Variants in ANKS1B observed in about 807,000 individuals in gnomAD.
ANKS1B encodes the protein ankyrin repeat and sterile alpha motif domain containing 1B.
In ANKS1B, 36 loss-of-function variants were observed where a neutral mutation model predicts 148.3. The observed-to-expected ratio is 0.24, with a 90% CI of 0.19 to 0.32. ANKS1B has a LOEUF of 0.32. Ranked by LOEUF, ANKS1B falls within the 10% of genes least tolerant of loss-of-function variation. ANKS1B has a pLI of 1.00. For missense variants in ANKS1B, 1,157 were observed against 1,542.6 expected (o/e 0.75, Z 4.19); for synonymous variants, 542 against 560.8 (o/e 0.97, Z 0.47).
chr12:99,959,735 A>T (rs1306466384), intron 1 of ANKS1B, among the ~76,000 whole-genome samples: 1 of 152,216 alleles, frequency 6.6e-6, no homozygotes, highest in Non-Finnish European at 1.5e-5. Context: ...CTGAGTAAAC[A>T]TTAGTCATAG....
intron 12 of ANKS1B, among the ~76,000 whole-genome samples, chr12:99,327,025 T>C (rs1037875615): frequency 1.0e-4 from 14 of 133,936 alleles, no homozygotes; most frequent in African/African-American, 3.9e-4. Context: ...TATATTATAA[T>C]AAATATTATA....
intron 14 of ANKS1B, among the ~76,000 whole-genome samples, chr12:99,223,383 C>A (rs973112700): frequency 1.2e-4 from 19 of 152,066 alleles, no homozygotes; most frequent in African/African-American, 3.1e-4. Flanking sequence ...TACATTGTAA[C>A]ATATAATGAA....
intron 1 of ANKS1B, among the ~76,000 whole-genome samples, chr12:99,877,176 T>G (rs949793811): frequency 1.3e-5 from 2 of 152,138 alleles, no homozygotes; most frequent in African/African-American, 4.8e-5. Context: ...AAGTAAATAT[T>G]GCTTGCTGAT....
chr12:99,640,415 T>C (rs1187579741), intron 9 of ANKS1B, among the ~76,000 whole-genome samples: 1 of 152,094 alleles, frequency 6.6e-6, no homozygotes, highest in Non-Finnish European at 1.5e-5. Flanking sequence ...GGTGAGACTA[T>C]TAAAAGATAA....
intron 17 of ANKS1B, among the ~76,000 whole-genome samples, chr12:98,941,636 T>C (rs991375180): frequency 3.3e-5 from 5 of 152,230 alleles, no homozygotes; most frequent in African/African-American, 9.6e-5. Flanking sequence ...ATTGACTGTA[T>C]GTCCTTAAAA....
At chr12:98,840,873 C>A (rs1329006034) in intron 17 of ANKS1B, among the ~76,000 whole-genome samples, 1 of 152,090 alleles carries the variant, frequency 6.6e-6, no homozygotes, top group East Asian at 1.9e-4. Context: ...TTACATTGCT[C>A]AATAACCCAA....
intron 14 of ANKS1B, among the ~76,000 whole-genome samples, chr12:99,227,521 G>A (rs1237274533): frequency 6.6e-6 from 1 of 152,238 alleles, no homozygotes; most frequent in Non-Finnish European, 1.5e-5. Context: ...CAAGCCAAAA[G>A]TCAGGAGCCT....
intron 17 of ANKS1B, among the ~76,000 whole-genome samples, chr12:98,884,822 A>G (rs899302526): frequency 4.0e-5 from 6 of 151,486 alleles, no homozygotes; most frequent in African/African-American, 1.5e-4. Flanking sequence ...AAAAAAAAAA[A>G]AAAGAAACTA....
chr12:98,860,568 G>A (rs1567246613), intron 17 of ANKS1B, among the ~76,000 whole-genome samples: 1 of 152,180 alleles, frequency 6.6e-6, no homozygotes, highest in Non-Finnish European at 1.5e-5. Flanking sequence ...CATTAATGGT[G>A]GATTGAAAAA....
At chr12:99,934,844 G>A (rs963898653) in intron 1 of ANKS1B, among the ~76,000 whole-genome samples, 14 of 152,156 alleles carry the variant, frequency 9.2e-5, no homozygotes, top group Non-Finnish European at 2.1e-4. Context: ...GTATATAAAG[G>A]AGGGAGGAGA....
chr12:99,691,491 C>G (rs1433793428), intron 8 of ANKS1B, among the ~76,000 whole-genome samples: 1 of 152,280 alleles, frequency 6.6e-6, no homozygotes, highest in African/African-American at 2.4e-5. Context: ...TCATCTTTCT[C>G]AAGTTCAAAG....
intron 12 of ANKS1B, among the ~76,000 whole-genome samples, chr12:99,292,443 A>G (rs1440666178): frequency 6.6e-6 from 1 of 150,818 alleles, no homozygotes; most frequent in Non-Finnish European, 1.5e-5. Flanking sequence ...TGAACCTGGG[A>G]GGCGGAGCTT....
At chr12:99,766,832 C>G (rs988139586) in intron 8 of ANKS1B, among the ~76,000 whole-genome samples, 1 of 152,102 alleles carries the variant, frequency 6.6e-6, no homozygotes, top group African/African-American at 2.4e-5. Context: ...CCAAGATTCT[C>G]TAAATCTGAT....
intron 12 of ANKS1B, among the ~76,000 whole-genome samples, chr12:99,253,272 A>G (rs2074860805): frequency 6.6e-6 from 1 of 151,872 alleles, no homozygotes; most frequent in South Asian, 2.1e-4. Flanking sequence ...GATGTCCAGT[A>G]GAGGGAGACT....
At position 99,698,382 on chromosome 12, in the gene ANKS1B, A is replaced by AGT. The variant is rs375654416; in HGVS notation, c.1129-43174_1129-43173dup. Reference sequence around the variant, plus strand: ...ATTGCTGGTATTGTACAGCAATTTAAGTGTGTGTGTGTCCGTGTGTGCATG... The same window carrying AGT: ...ATTGCTGGTATTGTACAGCAATTTAAGTGTGTGTGTGTGTCCGTGTGTGCATG... On this transcript the variant is annotated intron_variant, in intron 8 of 26. Coordinates refer to ENST00000683438, the MANE Select transcript of ANKS1B (RefSeq NM_001352186.2). Among the ~76,000 whole-genome samples, 4 of 151,990 alleles carry AGT rather than the reference A, an allele frequency of 2.6e-5. No homozygotes were observed. In the South Asian group the frequency reaches 6.2e-4, roughly 24 times the overall value.
intron 17 of ANKS1B, among the ~76,000 whole-genome samples, chr12:98,837,815 A>G (rs1335953873): frequency 6.6e-6 from 1 of 152,202 alleles, no homozygotes; most frequent in East Asian, 1.9e-4. Context: ...ATTAAATTTA[A>G]CATGTTTAAT....
chr12:98,924,999 AG>A (rs200754648), intron 17 of ANKS1B, among the ~76,000 whole-genome samples: 1,877 of 152,334 alleles, frequency 0.012, 15 homozygotes, highest in South Asian at 0.027. Flanking sequence ...AGACAAAAAA[AG>A]ATTGCTTAAC....
At chr12:98,913,098 A>G (rs750951895) in intron 17 of ANKS1B, among the ~76,000 whole-genome samples, 6 of 152,226 alleles carry the variant, frequency 3.9e-5, no homozygotes, top group Non-Finnish European at 7.3e-5. Flanking sequence ...GCATTTGAAT[A>G]TGAAATGTCT....
intron 17 of ANKS1B, among the ~76,000 whole-genome samples, chr12:98,875,340 A>T (rs201378): frequency 1.3e-5 from 2 of 151,702 alleles, no homozygotes; most frequent in South Asian, 4.2e-4. Context: ...CTGTTTAAAA[A>T]CCTCCAGTGG....
Sources: allele counts gnomAD v4.1 joint callset (sites outside exome capture counted in the v4.1 genomes callset), GRCh38; gene constraint gnomAD v4.1.1; transcripts MANE v1.5; gene names NCBI Gene and HGNC (gene_info 2026-07-23, HGNC 2026-07-21).